The following HNRNPM variants were observed in gnomAD, a reference collection of about 807,000 sequenced individuals.
The protein encoded by HNRNPM is heterogeneous nuclear ribonucleoprotein M.
HNRNPM carries 11 observed loss-of-function variants against 73.1 expected under a neutral mutation model. The observed-to-expected ratio is 0.15, with a 90% CI of 0.09 to 0.25. HNRNPM has a LOEUF of 0.25. Among genes scored for constraint, HNRNPM ranks in the 10% least tolerant of loss-of-function variants. HNRNPM has a pLI of 1.00. For missense variants in HNRNPM, 789 were observed against 1,067.9 expected (o/e 0.74, Z 3.64); for synonymous variants, 407 against 355.2 (o/e 1.15, Z -1.64).
At chr19:8,458,019 T>G (rs1256359238) in intron 2 of HNRNPM, among the ~76,000 whole-genome samples, 1 of 152,234 alleles carries the variant, frequency 6.6e-6, no homozygotes, top group East Asian at 1.9e-4. Context: ...AGAACTGGAA[T>G]TAGTTGTCCT....
intron 12 of HNRNPM, among the ~76,000 whole-genome samples, chr19:8,480,653 A>AC (rs1970849664): frequency 6.7e-6 from 1 of 148,952 alleles, no homozygotes; most frequent in Non-Finnish European, 1.5e-5. Context: ...ACAGAGTGAG[A>AC]CTCTGTCTCA....
chr19:8,465,230 C>A (rs923310544), intron 5 of HNRNPM, 94 bp from the exon 6 acceptor site: 3 of 1,000,570 alleles, frequency 3.0e-6, no homozygotes, highest in Non-Finnish European at 4.3e-6. Flanking sequence ...AACAACCTTT[C>A]AGTTTCTAAG....
intron 10 of HNRNPM, among the ~76,000 whole-genome samples, chr19:8,473,320 G>A (rs1424334766): frequency 6.6e-6 from 1 of 152,034 alleles, no homozygotes; most frequent in East Asian, 1.9e-4. Flanking sequence ...GATTAGCCAG[G>A]CGTGGTAGCA....
At chr19:8,486,590 C>T (rs1971328394) in intron 14 of HNRNPM, among the ~76,000 whole-genome samples, 185 bp downstream of exon 14, 1 of 152,190 alleles carries the variant, frequency 6.6e-6, no homozygotes, top group Admixed American at 6.5e-5. Context: ...CTGGAAGAGC[C>T]TGGGCTTCTC....
intron 9 of HNRNPM, among the ~76,000 whole-genome samples, chr19:8,469,713 G>C (rs946923795): frequency 6.6e-6 from 1 of 152,218 alleles, no homozygotes; most frequent in African/African-American, 2.4e-5. Flanking sequence ...CGCAGGTAAA[G>C]CTCTCCTGGA....
chr19:8,479,100 T>TTC (rs1555707178), intron 12 of HNRNPM, among the ~76,000 whole-genome samples: 1 of 143,096 alleles, frequency 7.0e-6, no homozygotes, highest in Non-Finnish European at 1.5e-5. Context: ...TTTTTTTTTT[T>TTC]TTCAAGACAG....
Position 8,472,676 on chromosome 19 carries a change from G to A in HNRNPM, c.998-988G>A, listed in dbSNP as rs573062789. 2.6e-5 allele frequency among the ~76,000 whole-genome samples: 4 copies of A among 152,290 alleles called. No individual in the cohort carries two copies. In the South Asian group the frequency reaches 6.2e-4, roughly 24 times the overall value. On this transcript the variant is annotated intron_variant, in intron 10 of 15. Transcript: ENST00000325495. ...TTACCGCACTCAATCTCTGCCTCCT[G>A]GGTTCAAGTGATTCTCCTGCCTCAG...
chr19:8,482,370 C>CTT (rs1970983030), intron 12 of HNRNPM, among the ~76,000 whole-genome samples: 1 of 152,134 alleles, frequency 6.6e-6, no homozygotes, highest in South Asian at 2.1e-4. Flanking sequence ...GTACAAGTGT[C>CTT]TTCTACATAG....
chr19:8,476,884 T>A (rs1048334684), intron 12 of HNRNPM, among the ~76,000 whole-genome samples: 2 of 65,892 alleles, frequency 3.0e-5, no homozygotes, highest in Non-Finnish European at 6.4e-5. Flanking sequence ...CCCCCCACCC[T>A]CCCACCACCA....
intron 12 of HNRNPM, among the ~76,000 whole-genome samples, chr19:8,475,955 T>TTGAGTTGTTGCTG (rs1246015075): frequency 7.5e-5 from 11 of 147,442 alleles, no homozygotes; most frequent in African/African-American, 2.7e-4. Context: ...ATTAGGGAAT[T>TTGAGTTGTTGCTG]TGAGTTGTTG....
Position 8,486,181 on chromosome 19 carries a change from G to T in HNRNPM, c.1753G>T (p.Gly585Cys). ...SLERMGLERM[G>C]ANSLERMGPA... ...CGAGCGCATGGGCCTGGAGCGCATG[G>T]GTGCCAACAGCCTCGAGCGCATGGG... Residue 585 changes from glycine to cysteine, a missense_variant, in exon 14 of 16, where the codon GGT becomes TGT. Physicochemically the swap from Gly to Cys is radical, Grantham distance 159 (BLOSUM62 -3). Transcript: ENST00000325495. 1 of 1,585,104 alleles carries T rather than the reference G, an allele frequency of 6.3e-7. No individual in the cohort carries two copies.
At chr19:8,456,473 C>T (rs185600350) in intron 2 of HNRNPM, among the ~76,000 whole-genome samples, 4 of 152,342 alleles carry the variant, frequency 2.6e-5, no homozygotes, top group African/African-American at 9.6e-5. Flanking sequence ...GGCGCCCTCC[C>T]CGCACCCCGA....
intron 2 of HNRNPM, among the ~76,000 whole-genome samples, chr19:8,460,323 T>A (rs1244537232): frequency 6.6e-6 from 1 of 152,220 alleles, no homozygotes; most frequent in African/African-American, 2.4e-5. Flanking sequence ...CTATTGCAGA[T>A]CCCTTAACAC....
chr19:8,476,025 G>T (rs1368845938), intron 12 of HNRNPM, among the ~76,000 whole-genome samples: 1 of 151,818 alleles, frequency 6.6e-6, no homozygotes, highest in African/African-American at 2.4e-5. Context: ...GGTTGGCCTG[G>T]GAGCTGTGCT....
chr19:8,462,266 A>T lies in HNRNPM; in HGVS notation c.284-263A>T. On this transcript the variant is annotated intron_variant, in intron 2 of 15. Coordinates refer to ENST00000325495, the MANE Select transcript of HNRNPM (RefSeq NM_005968.5). The surrounding 1 kb of genome is among the most constrained non-coding windows in gnomAD (Gnocchi z 4.5). ...GCCTCTAGTCATGAATGAGTCTTCC[A>T]GACAGGGAAATTGATACGGAAATCT... The T allele has an allele frequency of 4.5e-6, 2 of 444,072 alleles. No individual in the cohort carries two copies. The highest frequency in any genetic ancestry group is 7.3e-5 in the East Asian group (2 of 27,344). The allele number at this position is 444,072 out of a possible 1,614,324, so 27.5% of individuals were successfully genotyped here. A position where few individuals can be genotyped will look rare whatever the true frequency, so the allele number is the denominator to read the frequency against.
intron 12 of HNRNPM, among the ~76,000 whole-genome samples, chr19:8,479,829 C>T (rs1970784053): frequency 7.3e-6 from 1 of 136,312 alleles, no homozygotes; most frequent in South Asian, 2.3e-4. Context: ...GGCTGGAGTG[C>T]AGTGGCACAA....
chr19:8,467,398 TA>T, intron 7 of HNRNPM, 136 bp from the exon 8 acceptor site: 1 of 651,704 alleles, frequency 1.5e-6, no homozygotes. Context: ...TTGTTGAAAG[TA>T]TAATGAAGAA....
In HNRNPM at chr19:8,485,814, C is replaced by G. The variant is rs750427819; in HGVS notation, c.1386C>G (p.Leu462=). Residue 462 remains leucine (L), a synonymous_variant, in exon 14 of 16, where the codon CTC becomes CTG. Transcript: ENST00000325495. The stretch of plus-strand genomic sequence containing the variant: ...TTGAGCGCATGGGCCCGCTGGGCCT[C>G]GACCACATGGCCTCCAGCATTGAGC... The part of the protein sequence containing the change: ...SGIERMGPLG[L]DHMASSIERM... 3 of 1,602,004 alleles carry G rather than the reference C, an allele frequency of 1.9e-6. No homozygotes were observed. Among genetic ancestry groups the G allele is most frequent in the Middle Eastern group, 3.3e-4 (2 of 6,042 alleles).
chr19:8,455,895 A>G (rs1252275363), intron 2 of HNRNPM, among the ~76,000 whole-genome samples: 1 of 148,128 alleles, frequency 6.8e-6, no homozygotes, highest in Non-Finnish European at 1.5e-5. Flanking sequence ...TTCGTGTTGA[A>G]ATTTTTTGAA....
Sources: gnomAD v4.1 joint callset for allele counts (sites outside exome capture counted in the v4.1 genomes callset) on GRCh38, gnomAD v4.1.1 for gene constraint, Gnocchi (gnomAD v3.1) non-coding constraint, MANE v1.5 for transcripts, NCBI Gene and HGNC (gene_info 2026-07-23, HGNC 2026-07-21) for gene names.